The following GNAL variants were observed in gnomAD, a reference collection of about 807,000 sequenced individuals.
GNAL encodes the protein guanine nucleotide-binding protein G(olf) subunit alpha.
A neutral mutation model predicts 55.1 loss-of-function variants in GNAL; 18 were observed. That is an observed-to-expected ratio of 0.33 (90% CI 0.23 to 0.48). GNAL has a LOEUF of 0.48. Ranked by LOEUF, GNAL falls within the 20% of genes least tolerant of loss-of-function variation. The pLI, the probability that GNAL is intolerant of heterozygous loss-of-function variation, is 0.99. For missense variants in GNAL, 412 were observed against 614.1 expected (o/e 0.67, Z 3.48); for synonymous variants, 253 against 237.0 (o/e 1.07, Z -0.62).
intron 1 of GNAL, among the ~76,000 whole-genome samples, chr18:11,747,745 C>T (rs1032140477): frequency 1.3e-5 from 2 of 151,970 alleles, no homozygotes; most frequent in Admixed American, 1.3e-4. Context: ...TCTGAGACAT[C>T]CTGTATGTCT....
chr18:11,825,298 G>A (rs1486255232), intron 5 of GNAL, among the ~76,000 whole-genome samples: 1 of 152,126 alleles, frequency 6.6e-6, no homozygotes, highest in East Asian at 1.9e-4. Context: ...ATGCATATTG[G>A]TAAGTTAAAG....
At chr18:11,786,857 T>G (rs1384061120) in intron 4 of GNAL, among the ~76,000 whole-genome samples, 1 of 152,104 alleles carries the variant, frequency 6.6e-6, no homozygotes, top group African/African-American at 2.4e-5. Context: ...ATCAAACTAC[T>G]GATTCAAACT....
chr18:11,764,025 T>C (rs996485929), intron 4 of GNAL, among the ~76,000 whole-genome samples: 4 of 152,246 alleles, frequency 2.6e-5, no homozygotes, highest in African/African-American at 9.6e-5. Flanking sequence ...TCTGCTTCTA[T>C]ATAGATGCCC....
intron 4 of GNAL, among the ~76,000 whole-genome samples, chr18:11,813,854 G>A (rs1191998260): frequency 2.0e-5 from 3 of 152,058 alleles, no homozygotes; most frequent in Non-Finnish European, 4.4e-5. Flanking sequence ...CTCCAGCCTG[G>A]GGAACAGAGC....
chr18:11,860,943 T>A (rs1411759179), intron 5 of GNAL, among the ~76,000 whole-genome samples: 2 of 152,208 alleles, frequency 1.3e-5, no homozygotes, highest in Admixed American at 1.3e-4. Flanking sequence ...GCTGAAGGGC[T>A]CATTGTGGGG....
chr18:11,851,872 C>A, intron 5 of GNAL: 1 of 1,613,914 alleles, frequency 6.2e-7, no homozygotes, highest in South Asian at 1.1e-5. Context: ...ATTCGAGCAC[C>A]AGTTTGAGAC....
chr18:11,765,295 A>T (rs149112256), intron 4 of GNAL, among the ~76,000 whole-genome samples: 1 of 152,240 alleles, frequency 6.6e-6, no homozygotes, highest in African/African-American at 2.4e-5. Context: ...TGATGGATAT[A>T]TAATAGTTGT....
Position 11,881,506 on chromosome 18 carries a change from G to C in GNAL, c.*371G>C, listed in dbSNP as rs1181638326. 2 of 79,510 alleles carry C rather than the reference G, an allele frequency of 2.5e-5. No homozygotes were observed. Among genetic ancestry groups the C allele is most frequent in the Non-Finnish European group, 4.6e-5 (2 of 43,286 alleles). 4.9% of individuals were successfully genotyped at this position (79,510 alleles called of 1,614,324 possible). On this transcript the variant is annotated 3_prime_UTR_variant, in exon 12 of 12. Transcript: ENST00000334049. This position sits in a 1 kb window ranked among gnomAD's most constrained non-coding sequence, Gnocchi z 4.8. ...CACGTTATCAACCGTGACTGCAAGA[G>C]CGTTCGTGCAGTGCCCTGAGCCACG...
In GNAL at chr18:11,881,076, T is replaced by G; in HGVS notation, c.1318T>G (p.Phe440Val). 1 of 1,613,674 alleles carries G rather than the reference T, an allele frequency of 6.2e-7. No individual in the cohort carries two copies. The highest frequency in any genetic ancestry group is 8.5e-7 in the Non-Finnish European group (1 of 1,179,844). Reference protein sequence around the residue: ...AVDTENIRRVFNDCRDIIQRM... With the variant: ...AVDTENIRRVVNDCRDIIQRM... ...GGACACAGAGAACATCCGCAGGGTG[T>G]TCAACGACTGCCGCGACATCATCCA... Residue 440 changes from phenylalanine to valine, a missense_variant, in exon 12 of 12, where the codon TTC (phenylalanine) becomes GTC (valine). Transcript: ENST00000334049. This position sits in a 1 kb window ranked among gnomAD's most constrained non-coding sequence, Gnocchi z 4.8.
intron 4 of GNAL, among the ~76,000 whole-genome samples, chr18:11,764,794 C>CAAACAACA (rs1568016368): frequency 6.6e-5 from 10 of 151,596 alleles, no homozygotes; most frequent in African/African-American, 2.4e-4. Context: ...AAACAAACAA[C>CAAACAACA]AAAAAAAAGA....
chr18:11,725,301 A>T (rs11875418), intron 1 of GNAL, among the ~76,000 whole-genome samples: 1,973 of 152,316 alleles, frequency 0.013, 39 homozygotes, highest in African/African-American at 0.045. Flanking sequence ...AGATTAGGAC[A>T]CAGACAGGCA....
chr18:11,731,398 C>A (rs1454263829), intron 1 of GNAL, among the ~76,000 whole-genome samples: 1 of 152,246 alleles, frequency 6.6e-6, no homozygotes, highest in East Asian at 1.9e-4. Flanking sequence ...ATCCACCCGC[C>A]TTGGCCTCCC....
intron 4 of GNAL, among the ~76,000 whole-genome samples, chr18:11,817,650 G>A (rs2034990877): frequency 6.6e-6 from 1 of 152,106 alleles, no homozygotes; most frequent in African/African-American, 2.4e-5. Context: ...CGCCCAGGCT[G>A]GAGTTCTCTG....
At position 11,752,973 on chromosome 18, in the gene GNAL, C is replaced by T. The variant is rs2032907495; in HGVS notation, c.449+48C>T. The T allele has an allele frequency of 5.4e-6, 6 of 1,109,090 alleles. No individual in the cohort carries two copies. Among genetic ancestry groups the T allele is most frequent in the Non-Finnish European group, 8.2e-6 (6 of 728,612 alleles). 68.7% of individuals were successfully genotyped at this position (1,109,090 alleles called of 1,614,324 possible). A position where few individuals can be genotyped will look rare whatever the true frequency, so the allele number is the denominator to read the frequency against. Reference sequence around the variant, plus strand: ...CAAACTGCATGCAAACTTCGTCTCTCTCCCAGACGTCCCAAAAGTGCTTTC... The same window carrying T: ...CAAACTGCATGCAAACTTCGTCTCTTTCCCAGACGTCCCAAAAGTGCTTTC... On this transcript the variant is annotated intron_variant, in intron 2 of 11. Transcript: ENST00000334049. This position sits in a 1 kb window ranked among gnomAD's most constrained non-coding sequence, Gnocchi z 4.5.
At chr18:11,874,602 CA>C (rs146940650) in intron 10 of GNAL, among the ~76,000 whole-genome samples, 16,467 of 77,282 alleles carry the variant, frequency 0.21, 2,575 homozygotes, top group African/African-American at 0.47. Context: ...CTCAAAAAAA[CA>C]AAAAAAAAGC....
chr18:11,851,452 C>T (rs1282226737), intron 5 of GNAL: 2 of 1,470,546 alleles, frequency 1.4e-6, no homozygotes, highest in South Asian at 1.4e-5. Flanking sequence ...ACTTACCTTA[C>T]CTTCTCTGCC....
At chr18:11,713,888 T>C (rs552864742) in intron 1 of GNAL, among the ~76,000 whole-genome samples, 41 of 152,170 alleles carry the variant, frequency 2.7e-4, no homozygotes, top group East Asian at 3.9e-4. Context: ...GGTCTGGTGA[T>C]TGGGGTCTCC....
At chr18:11,807,750 C>T (rs1160300234) in intron 4 of GNAL, among the ~76,000 whole-genome samples, 1 of 152,008 alleles carries the variant, frequency 6.6e-6, no homozygotes, top group Non-Finnish European at 1.5e-5. Flanking sequence ...AGGCAGTGAG[C>T]TTACATAGAG....
At chr18:11,866,647 A>T (rs1272993972) in intron 7 of GNAL, among the ~76,000 whole-genome samples, 1 of 150,182 alleles carries the variant, frequency 6.7e-6, no homozygotes, top group Non-Finnish European at 1.5e-5. Flanking sequence ...CGTGATCAAG[A>T]CCCAGTGCAG....
Sources: allele counts gnomAD v4.1 joint callset (sites outside exome capture counted in the v4.1 genomes callset), GRCh38; gene constraint gnomAD v4.1.1; non-coding constraint Gnocchi (gnomAD v3.1); transcripts MANE v1.5; gene names NCBI Gene and HGNC (gene_info 2026-07-23, HGNC 2026-07-21).